Variants in COL19A1 observed in about 807,000 individuals in gnomAD.
COL19A1 encodes collagen type XIX alpha 1 chain, also known as collagen alpha-1(XIX) chain.
A neutral mutation model predicts 190.2 loss-of-function variants in COL19A1; 159 were observed. That is an observed-to-expected ratio of 0.84 (90% confidence interval 0.73 to 0.95). COL19A1 has a LOEUF of 0.95. Among genes scored for constraint, COL19A1 ranks in the 40% least tolerant of loss-of-function variants. The pLI is 0.00. For synonymous variants in COL19A1, 509 were observed against 458.9 expected (o/e 1.11, Z -1.39); for missense variants, 1,418 against 1,431.9 (o/e 0.99, Z 0.16).
intron 9 of COL19A1, among the ~76,000 whole-genome samples, chr6:69,938,394 C>G (rs1773248589): frequency 6.6e-6 from 1 of 152,052 alleles, no homozygotes; most frequent in Non-Finnish European, 1.5e-5. Flanking sequence ...TAGCTGTGCC[C>G]TAGCCTTCTT....
chr6:70,057,465 G>A (rs1780567322), intron 14 of COL19A1, among the ~76,000 whole-genome samples: 1 of 152,074 alleles, frequency 6.6e-6, no homozygotes, highest in Non-Finnish European at 1.5e-5. Flanking sequence ...TGATAAATAA[G>A]TGCTAGTAAA....
At chr6:70,164,691 GA>G (rs3838681) in intron 36 of COL19A1, among the ~76,000 whole-genome samples, 4,958 of 151,576 alleles carry the variant, frequency 0.033, 124 homozygotes, top group East Asian at 0.11. Context: ...TGTGCCGGGG[GA>G]AAAAAAAGAC....
At chr6:70,128,227 G>A (rs1025981258) in intron 17 of COL19A1, among the ~76,000 whole-genome samples, 3 of 152,126 alleles carry the variant, frequency 2.0e-5, no homozygotes, top group Admixed American at 6.5e-5. Flanking sequence ...AAGTATATGC[G>A]GGGAATATAA....
At chr6:70,064,528 G>A (rs993250928) in intron 14 of COL19A1, among the ~76,000 whole-genome samples, 34 of 152,258 alleles carry the variant, frequency 2.2e-4, no homozygotes, top group African/African-American at 5.8e-4. Flanking sequence ...AAAACTGGAA[G>A]CATTCCCTTT....
intron 11 of COL19A1, among the ~76,000 whole-genome samples, chr6:69,979,771 G>T (rs1775943743): frequency 2.0e-5 from 3 of 151,468 alleles, no homozygotes; most frequent in Admixed American, 2.0e-4. Context: ...AAAAACAATA[G>T]ATTTTGTTTA....
chr6:70,120,675 A>T (rs544374808), intron 16 of COL19A1, among the ~76,000 whole-genome samples: 4 of 152,140 alleles, frequency 2.6e-5, no homozygotes, highest in Admixed American at 2.6e-4. Flanking sequence ...AGGCAACACC[A>T]TTACTTGTGA....
chr6:69,926,906 C>G (rs1367117420), intron 4 of COL19A1, among the ~76,000 whole-genome samples: 2 of 152,026 alleles, frequency 1.3e-5, no homozygotes, highest in Non-Finnish European at 2.9e-5. Flanking sequence ...AAGAAGTTCT[C>G]AATATGAGTA....
chr6:70,157,078 A>G (rs1787486040), intron 34 of COL19A1, among the ~76,000 whole-genome samples: 1 of 152,130 alleles, frequency 6.6e-6, no homozygotes, highest in South Asian at 2.1e-4. Flanking sequence ...ATTTAAAGGA[A>G]TAGTAGTTGG....
chr6:70,195,062 T>C (rs1767105911), intron 48 of COL19A1, among the ~76,000 whole-genome samples: 1 of 149,216 alleles, frequency 6.7e-6, no homozygotes, highest in African/African-American at 2.5e-5. Flanking sequence ...TCTCTACAAC[T>C]AAGATATTAA....
At chr6:70,034,500 A>G (rs563880804) in intron 13 of COL19A1, among the ~76,000 whole-genome samples, 1 of 152,328 alleles carries the variant, frequency 6.6e-6, no homozygotes, top group South Asian at 2.1e-4. Flanking sequence ...TTGCTAGTTG[A>G]CATTAGCTGG....
chr6:70,061,040 G>A (rs1358431277), intron 14 of COL19A1, among the ~76,000 whole-genome samples: 3 of 152,124 alleles, frequency 2.0e-5, no homozygotes, highest in African/African-American at 4.8e-5. Context: ...TACATAAACT[G>A]GAGGTTAAGT....
At chr6:69,914,817 C>G (rs1771188090) in intron 4 of COL19A1, among the ~76,000 whole-genome samples, 1 of 152,170 alleles carries the variant, frequency 6.6e-6, no homozygotes, top group Non-Finnish European at 1.5e-5. Flanking sequence ...GTGAATGTAT[C>G]TCACACTCAA....
chr6:69,883,219 G>A (rs1434297796), intron 2 of COL19A1, among the ~76,000 whole-genome samples: 2 of 152,202 alleles, frequency 1.3e-5, no homozygotes, highest in Admixed American at 6.5e-5. Flanking sequence ...GGGAGGAGGT[G>A]TGAGGGTACA....
intron 16 of COL19A1, among the ~76,000 whole-genome samples, chr6:70,108,816 T>C (rs1784118553): frequency 6.6e-6 from 1 of 152,204 alleles, no homozygotes; most frequent in Non-Finnish European, 1.5e-5. Flanking sequence ...TGTACATTCA[T>C]GTTTCTATTT....
intron 11 of COL19A1, among the ~76,000 whole-genome samples, chr6:70,021,002 T>G (rs963693356): frequency 6.6e-6 from 1 of 152,156 alleles, no homozygotes; most frequent in Non-Finnish European, 1.5e-5. Context: ...AGACATTGAC[T>G]CCTACTTTAT....
chr6:70,054,029 A>G (rs530217758), intron 14 of COL19A1, among the ~76,000 whole-genome samples: 1 of 152,332 alleles, frequency 6.6e-6, no homozygotes, highest in East Asian at 1.9e-4. Flanking sequence ...ACCAATAAGT[A>G]CAAATTGAGT....
At chr6:70,082,899 G>T (rs559015411) in intron 15 of COL19A1, among the ~76,000 whole-genome samples, 1 of 152,040 alleles carries the variant, frequency 6.6e-6, no homozygotes, top group South Asian at 2.1e-4. Flanking sequence ...TAGATTCTTC[G>T]CCATGAGTGG....
intron 4 of COL19A1, among the ~76,000 whole-genome samples, chr6:69,921,558 A>G (rs925530840): frequency 2.8e-5 from 4 of 142,576 alleles, no homozygotes; most frequent in Admixed American, 7.4e-5. Flanking sequence ...ATTCATATAT[A>G]TATTCGTATA....
At chr6:70,070,277 G>A (rs1012181568) in intron 15 of COL19A1, among the ~76,000 whole-genome samples, 1 of 151,752 alleles carries the variant, frequency 6.6e-6, no homozygotes, top group Non-Finnish European at 1.5e-5. Flanking sequence ...AATTAAACAT[G>A]TATTTTCCAT....
Sources: allele counts gnomAD v4.1 joint callset (sites outside exome capture counted in the v4.1 genomes callset), GRCh38; gene constraint gnomAD v4.1.1; transcripts MANE v1.5; gene names NCBI Gene and HGNC (gene_info 2026-07-23, HGNC 2026-07-21).